IAPP: variants seen among roughly 807,000 people sequenced by gnomAD.
IAPP encodes the protein Islet amyloid polypeptide (diabetes-associated peptide; amylin).
A neutral mutation model predicts 2.9 loss-of-function variants in IAPP; 4 were observed. The ratio of observed to expected loss-of-function variants is 1.39; its 90% CI spans 0.69 to 3.19. The LOEUF is 3.19. Ranked by LOEUF, IAPP falls within the 30% of genes most tolerant of loss-of-function variation. IAPP has a pLI of 0.01. For missense variants in IAPP, 114 were observed against 105.3 expected (o/e 1.08, Z -0.36); for synonymous variants, 40 against 42.1 (o/e 0.95, Z 0.19).
chr12:21,366,871 T>A (rs1015307586), intron 1 of IAPP, among the ~76,000 whole-genome samples: 1 of 151,802 alleles, frequency 6.6e-6, no homozygotes, highest in Non-Finnish European at 1.5e-5. Flanking sequence ...AAAATATATA[T>A]AAACACAAGA....
chr12:21,369,287 T>C (rs551785837), upstream of IAPP, among the ~76,000 whole-genome samples: 9 of 152,344 alleles, frequency 5.9e-5, no homozygotes, highest in Non-Finnish European at 1.2e-4. Context: ...GTTATGATTA[T>C]GAATATGACT....
intron 1 of IAPP, among the ~76,000 whole-genome samples, chr12:21,365,958 A>T (rs911859524): frequency 6.6e-6 from 1 of 152,226 alleles, no homozygotes; most frequent in Non-Finnish European, 1.5e-5. Flanking sequence ...GTGGGACTGT[A>T]AAGTAGTTCA....
chr12:21,373,942 A>G (rs1939995018), intron 2 of IAPP, among the ~76,000 whole-genome samples: 1 of 152,222 alleles, frequency 6.6e-6, no homozygotes, highest in Non-Finnish European at 1.5e-5. Context: ...GTTTTTAAGA[A>G]ATGAAATCTA....
chr12:21,370,998 CTG>C (rs1229801390), upstream of IAPP, among the ~76,000 whole-genome samples: 4 of 152,228 alleles, frequency 2.6e-5, no homozygotes, highest in Admixed American at 2.0e-4. Context: ...ATTTATAACT[CTG>C]TGACTGCTCC....
At chr12:21,368,814 T>C (rs1018433504), upstream of IAPP, among the ~76,000 whole-genome samples, 9 of 152,162 alleles carry the variant, frequency 5.9e-5, no homozygotes, top group South Asian at 2.1e-4. Flanking sequence ...AATATTGATA[T>C]AATTCAAAAA....
At chr12:21,355,225 A>G (rs1228089448) in intron 1 of IAPP, among the ~76,000 whole-genome samples, 1 of 152,188 alleles carries the variant, frequency 6.6e-6, no homozygotes, top group Admixed American at 6.5e-5. Flanking sequence ...CGACCTTTAT[A>G]GAGTAGAATT....
chr12:21,355,420 T>C (rs555107022), intron 1 of IAPP, among the ~76,000 whole-genome samples: 2 of 152,228 alleles, frequency 1.3e-5, no homozygotes, highest in East Asian at 3.9e-4. Context: ...GGGTAGGCAA[T>C]GAGCTAAAAT....
intron 2 of IAPP, 84 bp from the exon 3 acceptor site, chr12:21,378,153 C>A: frequency 8.0e-7 from 1 of 1,247,712 alleles, no homozygotes; most frequent in South Asian, 1.3e-5. Context: ...TGGTTTTCAT[C>A]AATACAAGAT....
chr12:21,355,516 C>T (rs1222214396), intron 1 of IAPP, among the ~76,000 whole-genome samples: 2 of 152,046 alleles, frequency 1.3e-5, no homozygotes, highest in African/African-American at 4.8e-5. Flanking sequence ...ATCTGGGAGA[C>T]CTAAACTTTG....
intron 1 of IAPP, among the ~76,000 whole-genome samples, chr12:21,360,027 G>A (rs1938702475): frequency 6.6e-6 from 1 of 151,402 alleles, no homozygotes; most frequent in African/African-American, 2.4e-5. Flanking sequence ...AAAAAAAAAA[G>A]TCAGGCAAAA....
chr12:21,367,304 A>G (rs1939460609), intron 1 of IAPP, among the ~76,000 whole-genome samples: 1 of 152,176 alleles, frequency 6.6e-6, no homozygotes, highest in African/African-American at 2.4e-5. Context: ...CATCAAAATA[A>G]GGACATAAAT....
chr12:21,372,013 G>GA (rs1234897824), upstream of IAPP, among the ~76,000 whole-genome samples: 8 of 141,080 alleles, frequency 5.7e-5, no homozygotes, highest in South Asian at 4.3e-4. Flanking sequence ...CAAAAAAAAA[G>GA]AAAAAAAAAG....
Position 21,360,276 on chromosome 12 carries a change from C to A in IAPP, c.-16+5263C>A, listed in dbSNP as rs574063649. 2.6e-5 allele frequency among the ~76,000 whole-genome samples: 4 copies of A among 152,186 alleles called. No homozygotes were observed. In the East Asian group the frequency reaches 7.7e-4, roughly 29 times the overall value. ...AGTGTGTGCATTGGCCAAAACCAGT[C>A]AAATTATACATTTTAAATATGTGCA... On this transcript the variant is annotated intron_variant, in intron 1 of 2. Coordinates refer to the IAPP transcript ENST00000539393.
At position 21,355,180 on chromosome 12, in the gene IAPP, C is replaced by A. The variant is rs75756847; in HGVS notation, c.-16+167C>A. Among the ~76,000 whole-genome samples the A allele has an allele frequency of 9.1e-4, 139 of 152,142 alleles. 2 individuals are homozygous for A. In the East Asian group the frequency reaches 0.024, roughly 27 times the overall value. On this transcript the variant is annotated intron_variant, in intron 1 of 2. Coordinates refer to the IAPP transcript ENST00000539393. ...GTTGGCAATTTTAAGAAGACCAGAG[C>A]CACTAAATCATTTCTAGAGGAGTAT...
intron 1 of IAPP, among the ~76,000 whole-genome samples, chr12:21,356,482 A>G (rs1301641612): frequency 6.6e-6 from 1 of 151,982 alleles, no homozygotes; most frequent in Non-Finnish European, 1.5e-5. Flanking sequence ...GTGGGATACA[A>G]AAGAAAAAAA....
chr12:21,365,090 A>T, intron 1 of IAPP, among the ~76,000 whole-genome samples: 1 of 152,168 alleles, frequency 6.6e-6, no homozygotes, highest in Non-Finnish European at 1.5e-5. Context: ...CATTGCCAAT[A>T]CGATCCTAAG....
At chr12:21,362,149 G>C (rs533314516) in intron 1 of IAPP, among the ~76,000 whole-genome samples, 94 of 152,218 alleles carry the variant, frequency 6.2e-4, no homozygotes, top group Non-Finnish European at 1.1e-3. Flanking sequence ...CAGAGAGAAA[G>C]GTCAGGTTAC....
chr12:21,367,875 A>G (rs1393676567), intron 1 of IAPP, among the ~76,000 whole-genome samples: 1 of 152,150 alleles, frequency 6.6e-6, no homozygotes, highest in Non-Finnish European at 1.5e-5. Flanking sequence ...GAAAAATCAT[A>G]TATCTTGCCT....
intron 1 of IAPP, among the ~76,000 whole-genome samples, chr12:21,358,139 G>A (rs12301085): frequency 0.14 from 21,355 of 152,074 alleles, 1,621 homozygotes; most frequent in Middle Eastern, 0.21. Context: ...ACTTAAAAAT[G>A]TCTGTGCTAC....
Sources: allele counts gnomAD v4.1 joint callset (sites outside exome capture counted in the v4.1 genomes callset), GRCh38; gene constraint gnomAD v4.1.1; transcripts MANE v1.5; gene names NCBI Gene and HGNC (gene_info 2026-07-23, HGNC 2026-07-21).